Variants in FZD3 observed in about 807,000 individuals in gnomAD.
The protein encoded by FZD3 is frizzled class receptor 3.
FZD3 carries 30 observed loss-of-function variants against 60.7 expected under a neutral mutation model. That is an observed-to-expected ratio of 0.49 (90% CI 0.37 to 0.67). The LOEUF is 0.67. Among genes scored for constraint, FZD3 ranks in the 30% least tolerant of loss-of-function variants. FZD3 has a pLI of 0.00. For synonymous variants in FZD3, 246 were observed against 275.2 expected (o/e 0.89, Z 1.05); for missense variants, 605 against 838.7 (o/e 0.72, Z 3.44).
Position 28,563,269 on chromosome 8 carries a change from A to G in FZD3, c.*258A>G. On this transcript the variant is annotated 3_prime_UTR_variant, in exon 8 of 8. Coordinates refer to ENST00000240093, the MANE Select transcript of FZD3 (RefSeq NM_017412.4). ...ATGAAGAGATAATTATTTGTCTGGT[A>G]AGCATTTTTATAAACCCACTCATTT... 2.4e-6 allele frequency: 1 copy of G among 415,450 alleles called. No homozygotes were observed. The highest frequency in any genetic ancestry group is 4.5e-6 in the Non-Finnish European group (1 of 224,690). 25.7% of individuals were successfully genotyped at this position (415,450 alleles called of 1,614,324 possible).
chr8:28,544,227 C>T (rs1361351083), intron 5 of FZD3, among the ~76,000 whole-genome samples: 1 of 152,070 alleles, frequency 6.6e-6, no homozygotes, highest in African/African-American at 2.4e-5. Context: ...TTATCTGCTA[C>T]ATTCATGTGT....
intron 4 of FZD3, among the ~76,000 whole-genome samples, chr8:28,522,913 G>C (rs1307785698): frequency 2.6e-5 from 4 of 151,786 alleles, no homozygotes; most frequent in Admixed American, 2.6e-4. Flanking sequence ...GGGCTTACAG[G>C]TGCCCACCAC....
At chr8:28,517,543 C>A (rs1317119994) in intron 3 of FZD3, among the ~76,000 whole-genome samples, 1 of 151,974 alleles carries the variant, frequency 6.6e-6, no homozygotes, top group African/African-American at 2.4e-5. Context: ...CTGATCTGTC[C>A]TTTTGAGATT....
intron 4 of FZD3, among the ~76,000 whole-genome samples, chr8:28,525,883 A>G (rs1352961652): frequency 7.2e-6 from 1 of 139,498 alleles, no homozygotes; most frequent in African/African-American, 2.8e-5. Flanking sequence ...ATTACAAAGT[A>G]GAATCACAGG....
At position 28,569,987 on chromosome 8, in the gene FZD3, G is replaced by C. The variant is rs570112338; in HGVS notation, c.*6976G>C. 1 of 145,932 alleles carries C rather than the reference G, an allele frequency of 6.9e-6. No homozygotes were observed. The highest frequency in any genetic ancestry group is 2.1e-4 in the South Asian group (1 of 4,822). 9.0% of individuals were successfully genotyped at this position (145,932 alleles called of 1,614,324 possible). A position where few individuals can be genotyped will look rare whatever the true frequency, so the allele number is the denominator to read the frequency against. Reference sequence around the variant, plus strand: ...ATTATAAAATGTAAAAGAAATTTCAGAGGAGTTGATTGAAAATTTTTTGTT... The same window carrying C: ...ATTATAAAATGTAAAAGAAATTTCACAGGAGTTGATTGAAAATTTTTTGTT... On this transcript the variant is annotated 3_prime_UTR_variant, in exon 8 of 8. Transcript: ENST00000240093.
intron 4 of FZD3, 74 bp downstream of exon 4, chr8:28,520,908 A>G: frequency 9.1e-7 from 1 of 1,100,602 alleles, no homozygotes; most frequent in Non-Finnish European, 1.3e-6. Context: ...CTTCTTTTCC[A>G]TCTGTTTTAA....
intron 5 of FZD3, among the ~76,000 whole-genome samples, chr8:28,547,523 C>T (rs956724938): frequency 1.7e-4 from 26 of 152,262 alleles, no homozygotes; most frequent in African/African-American, 5.8e-4. Flanking sequence ...TGAGAGTATT[C>T]GTCCACACAT....
chr8:28,537,401 G>A lies in FZD3; in HGVS notation c.1404+9237G>A, dbSNP rs77594422. On this transcript the variant is annotated intron_variant, in intron 5 of 7. Coordinates refer to ENST00000240093, the MANE Select transcript of FZD3 (RefSeq NM_017412.4). ...ATGCAAATAGTTTATACATTTTTAG[G>A]AGAAAATTCAATGTACTTGCCATTA... 2.7e-3 allele frequency among the ~76,000 whole-genome samples: 410 copies of A among 152,308 alleles called. 2 individuals are homozygous for A. The highest frequency in any genetic ancestry group is 4.2e-3 in the Non-Finnish European group (288 of 68,030).
chr8:28,500,555 A>AAT (rs1803962219), intron 2 of FZD3, among the ~76,000 whole-genome samples: 1 of 152,182 alleles, frequency 6.6e-6, no homozygotes, highest in South Asian at 2.1e-4. Context: ...AACAGGGAGT[A>AAT]ATGTTCCCTT....
intron 5 of FZD3, among the ~76,000 whole-genome samples, chr8:28,543,600 C>G (rs994589505): frequency 1.3e-5 from 2 of 152,080 alleles, no homozygotes; most frequent in African/African-American, 4.8e-5. Context: ...AGGCTGATCT[C>G]GAACTCCTGA....
In FZD3 at chr8:28,569,475, C is replaced by T. The variant is rs967219834; in HGVS notation, c.*6464C>T. The T allele has an allele frequency of 1.3e-5, 2 of 151,488 alleles. No homozygotes were observed. The highest frequency in any genetic ancestry group is 1.5e-5 in the Non-Finnish European group (1 of 67,878). 9.4% of individuals were successfully genotyped at this position (151,488 alleles called of 1,614,324 possible). A position where few individuals can be genotyped will look rare whatever the true frequency, so the allele number is the denominator to read the frequency against. ...TTAGTTTAGGTAGCGTCTAAAATTC[C>T]GCCCAGCTCTCATTTGGTTCTCATT... is the stretch of plus-strand genomic sequence containing the variant. On this transcript the variant is annotated 3_prime_UTR_variant, in exon 8 of 8. Coordinates refer to ENST00000240093, the MANE Select transcript of FZD3 (RefSeq NM_017412.4).
rs1805792238 is a variant in FZD3 at position 28,570,710 on chromosome 8, G to T, written c.*7699G>T. On this transcript the variant is annotated 3_prime_UTR_variant, in exon 8 of 8. Transcript: ENST00000240093. ...TTCTCTGGTAGATTAAATGTTCTCT[G>T]TGCACTAGGCCAAGGAAGTTCCTGT... 1 of 151,144 alleles carries T rather than the reference G, an allele frequency of 6.6e-6. No individual in the cohort carries two copies. The highest frequency in any genetic ancestry group is 2.1e-4 in the South Asian group (1 of 4,784). The allele number at this position is 151,144 out of a possible 1,614,324, so 9.4% of individuals were successfully genotyped here.
chr8:28,562,538 TCAG>T (rs770200565), intron 7 of FZD3, among the ~76,000 whole-genome samples: 11 of 152,218 alleles, frequency 7.2e-5, no homozygotes, highest in Non-Finnish European at 1.2e-4. Context: ...TTCAAATCGG[TCAG>T]CCTTATTTAA....
intron 6 of FZD3, among the ~76,000 whole-genome samples, chr8:28,552,741 A>G (rs1007178948): frequency 6.6e-6 from 1 of 152,230 alleles, no homozygotes; most frequent in African/African-American, 2.4e-5. Flanking sequence ...CTAAAATACC[A>G]GTAATTAACA....
intron 3 of FZD3, among the ~76,000 whole-genome samples, chr8:28,515,460 A>G (rs949995535): frequency 6.6e-6 from 1 of 152,222 alleles, no homozygotes; most frequent in African/African-American, 2.4e-5. Flanking sequence ...GATTTGACTT[A>G]TGGTTTTATA....
chr8:28,536,734 A>T (rs1335766325), intron 5 of FZD3, among the ~76,000 whole-genome samples: 1 of 152,212 alleles, frequency 6.6e-6, no homozygotes, highest in Non-Finnish European at 1.5e-5. Flanking sequence ...ATAGAAAACA[A>T]ACAAAAAATA....
At chr8:28,517,778 A>T in intron 3 of FZD3, among the ~76,000 whole-genome samples, 1 of 152,078 alleles carries the variant, frequency 6.6e-6, no homozygotes, top group East Asian at 1.9e-4. Flanking sequence ...TTTTCTGATG[A>T]ATTTTTAATC....
rs28624797 is a variant in FZD3 at position 28,525,490 on chromosome 8, A to G, written c.387-1657A>G. On this transcript the variant is annotated intron_variant, in intron 4 of 7. Transcript: ENST00000240093. ...GGGGGCAGAGCGGGCCAGGCAAAGG[A>G]AACAGAGCAGCAAGTACAGAGACTC... is the stretch of plus-strand genomic sequence containing the variant. Among the ~76,000 whole-genome samples, 776 of 152,330 alleles carry G rather than the reference A, an allele frequency of 5.1e-3. 4 individuals are homozygous for G. Among genetic ancestry groups the G allele is most frequent in the African/African-American group, 0.016 (651 of 41,582 alleles).
At chr8:28,531,496 A>G (rs1238631774) in intron 5 of FZD3, among the ~76,000 whole-genome samples, 1 of 152,154 alleles carries the variant, frequency 6.6e-6, no homozygotes, top group East Asian at 1.9e-4. Flanking sequence ...AAATATGAAC[A>G]AGAGTTTCTA....
Sources: allele counts gnomAD v4.1 joint callset (sites outside exome capture counted in the v4.1 genomes callset), GRCh38; gene constraint gnomAD v4.1.1; transcripts MANE v1.5; gene names NCBI Gene and HGNC (gene_info 2026-07-23, HGNC 2026-07-21).